The following PSIP1 variants were observed in gnomAD, a reference collection of about 807,000 sequenced individuals.
PSIP1 encodes the protein PC4 and SRSF1 interacting protein 1.
In PSIP1, 19 loss-of-function variants were observed where a neutral mutation model predicts 74.7. The ratio of observed to expected loss-of-function variants is 0.25; its 90% CI spans 0.18 to 0.37. The LOEUF is 0.37. Among genes scored for constraint, PSIP1 ranks in the 10% least tolerant of loss-of-function variants. PSIP1 has a pLI of 1.00. For missense variants in PSIP1, 601 were observed against 614.3 expected (o/e 0.98, Z 0.23); for synonymous variants, 222 against 195.3 (o/e 1.14, Z -1.14).
At chr9:15,468,109 G>A (rs555433701) in intron 14 of PSIP1, among the ~76,000 whole-genome samples, 9 of 130,788 alleles carry the variant, frequency 6.9e-5, no homozygotes, top group African/African-American at 2.7e-4. Flanking sequence ...CAACAAGAGC[G>A]AAACTCCATC....
chr9:15,507,374 G>T (rs1036301538), intron 2 of PSIP1, among the ~76,000 whole-genome samples: 1 of 152,172 alleles, frequency 6.6e-6, no homozygotes, highest in African/African-American at 2.4e-5. Flanking sequence ...TGTCGGCCAG[G>T]CGCGGTGGCT....
chr9:15,496,052 G>C (rs75298122), intron 3 of PSIP1, among the ~76,000 whole-genome samples: 2,091 of 152,170 alleles, frequency 0.014, 40 homozygotes, highest in African/African-American at 0.048. Context: ...CTATACATCC[G>C]ACTGTGCATG....
intron 3 of PSIP1, among the ~76,000 whole-genome samples, chr9:15,493,662 C>T (rs2036940471): frequency 6.6e-6 from 1 of 152,174 alleles, no homozygotes; most frequent in African/African-American, 2.4e-5. Context: ...CCTCAGGAAA[C>T]TTACAATCAC....
In PSIP1 at chr9:15,497,325, C is replaced by CTTTTTTTTTTTTTTTT. The variant is rs767922897; in HGVS notation, c.150-7217_150-7202dup. On this transcript the variant is annotated intron_variant, in intron 3 of 15. Transcript: ENST00000380733. Reference sequence around the variant, plus strand: ...CTGAAGACCACACGTTCTATGATTCCTTTTTTTTTTTTTTTTGAGACAGAG... The same window carrying CTTTTTTTTTTTTTTTT: ...CTGAAGACCACACGTTCTATGATTCCTTTTTTTTTTTTTTTTTTTTTTTTTTTTTTTTGAGACAGAG... Among the ~76,000 whole-genome samples the CTTTTTTTTTTTTTTTT allele has an allele frequency of 3.4e-3, 404 of 118,478 alleles. 44 individuals carry two copies. Among genetic ancestry groups the CTTTTTTTTTTTTTTTT allele is most frequent in the African/African-American group, 9.9e-3 (247 of 24,840 alleles). The allele number at this position is 118,478 out of a possible 152,430, so 77.7% of individuals were successfully genotyped here. A position where few individuals can be genotyped will look rare whatever the true frequency, so the allele number is the denominator to read the frequency against.
rs1300093305 is a variant in PSIP1 at position 15,464,678 on chromosome 9, TAAC to T, written c.*839_*841del. 1 of 198,264 alleles carries T rather than the reference TAAC, an allele frequency of 5.0e-6. No homozygotes were observed. The highest frequency in any genetic ancestry group is 1.0e-5 in the Non-Finnish European group (1 of 95,942). The allele number at this position is 198,264 out of a possible 1,614,324, so 12.3% of individuals were successfully genotyped here. On this transcript the variant is annotated 3_prime_UTR_variant, in exon 16 of 16. Transcript: ENST00000380733. ...TTTAGTGACTTCCTAAAGACATTTT[TAAC>T]AACATTCCTCAAAAATAAACTTACT...
At position 15,474,108 on chromosome 9, in the gene PSIP1, C is replaced by T. The variant is rs1563870899; in HGVS notation, c.759G>A (p.Gly253=). The T allele has an allele frequency of 6.2e-7, 1 of 1,613,508 alleles. No individual in the cohort carries two copies. The change falls in exon 9 of 16, where the codon GGG becomes GGA. Residue 253 remains glycine, a synonymous_variant. Transcript: ENST00000380733. The stretch of plus-strand genomic sequence containing the variant: ...TCCTTTTTGATTCAACTTCTTTCTT[C>T]CCCTCTTTTTTATCCGGCTCTTTTC... ...KPRKEPDKKE[G]KKEVESKRKN...
intron 3 of PSIP1, among the ~76,000 whole-genome samples, chr9:15,497,120 T>G (rs1358950136): frequency 6.6e-6 from 1 of 152,206 alleles, no homozygotes; most frequent in Non-Finnish European, 1.5e-5. Context: ...GTTCACAGCA[T>G]TATTCATAAA....
In PSIP1 at chr9:15,465,578, G is replaced by T; in HGVS notation, c.1535C>A (p.Pro512Gln). The part of the protein sequence containing the change: ...DNHEASTKKK[P>Q]SSEERETEIS... Reference sequence around the variant, plus strand: ...TTCAGTCTCTCTCTCTTCACTGGATGGCCTGAAGAAAAGGGGGAAAGGTAC... The same window carrying T: ...TTCAGTCTCTCTCTCTTCACTGGATTGCCTGAAGAAAAGGGGGAAAGGTAC... Residue 512 changes from proline (P) to glutamine (Q), a missense_variant and splice_region_variant, in exon 16 of 16, where the codon CCA (proline) becomes CAA (glutamine). Physicochemically the swap from Pro to Gln is moderately conservative, Grantham distance 76. Coordinates refer to ENST00000380733, the MANE Select transcript of PSIP1 (RefSeq NM_033222.5). The T allele has an allele frequency of 6.3e-7, 1 of 1,578,880 alleles. No homozygotes were observed. The highest frequency in any genetic ancestry group is 8.7e-7 in the Non-Finnish European group (1 of 1,153,796).
intron 10 of PSIP1, chr9:15,470,828 C>A (rs1269413728): frequency 4.9e-5 from 51 of 1,037,812 alleles, no homozygotes; most frequent in Non-Finnish European, 5.7e-5. Context: ...TAACTAGCTT[C>A]AAAACAAAAT....
intron 3 of PSIP1, 171 bp downstream of exon 3, chr9:15,506,386 AAACC>A: frequency 2.3e-6 from 1 of 438,406 alleles, no homozygotes; most frequent in Non-Finnish European, 4.1e-6. Flanking sequence ...AGTAAAAAAT[AAACC>A]TATAGCATCT....
At position 15,494,565 on chromosome 9, in the gene PSIP1, C is replaced by CAAA. The variant is rs57170853; in HGVS notation, c.150-4444_150-4442dup. Among the ~76,000 whole-genome samples, 42 of 37,564 alleles carry CAAA rather than the reference C, an allele frequency of 1.1e-3. 1 individual carries two copies. Among genetic ancestry groups the CAAA allele is most frequent in the African/African-American group, 4.0e-3 (37 of 9,332 alleles). 24.6% of individuals were successfully genotyped at this position (37,564 alleles called of 152,430 possible). ...GGGCAACAAGAGCAAAACTGCATCT[C>CAAA]AAAAAAAAAAAAAAAAAAAAAAAAA... On this transcript the variant is annotated intron_variant, in intron 3 of 15. Transcript: ENST00000380733.
At chr9:15,471,206 A>G in intron 10 of PSIP1, 1 of 1,605,860 alleles carries the variant, frequency 6.2e-7, no homozygotes, top group East Asian at 2.2e-5. Flanking sequence ...TATATTTTTT[A>G]TTACTGTAGA....
At chr9:15,506,311 C>T (rs1196832565) in intron 3 of PSIP1, 2 of 339,840 alleles carry the variant, frequency 5.9e-6, no homozygotes, top group Non-Finnish European at 1.1e-5. Context: ...TATTTTCATC[C>T]ATCAATCATT....
intron 7 of PSIP1, 146 bp from the exon 8 acceptor site, chr9:15,478,698 A>G (rs1483615269): frequency 1.3e-5 from 7 of 551,830 alleles, no homozygotes; most frequent in Admixed American, 1.0e-4. Context: ...TGAAAAAATA[A>G]TACCTCCCCC....
At chr9:15,502,492 T>G (rs945760306) in intron 3 of PSIP1, among the ~76,000 whole-genome samples, 4 of 152,168 alleles carry the variant, frequency 2.6e-5, no homozygotes, top group Non-Finnish European at 5.9e-5. Flanking sequence ...CAAGCCAGAT[T>G]TGAACTCCTG....
chr9:15,493,098 G>A (rs2132160055), intron 3 of PSIP1, among the ~76,000 whole-genome samples: 1 of 152,294 alleles, frequency 6.6e-6, no homozygotes, highest in Admixed American at 6.5e-5. Context: ...CTAGAAAATG[G>A]GTTTTTCTTT....
At chr9:15,487,467 C>T (rs1034480465) in intron 4 of PSIP1, among the ~76,000 whole-genome samples, 1 of 151,772 alleles carries the variant, frequency 6.6e-6, no homozygotes, top group Non-Finnish European at 1.5e-5. Context: ...TGGTGGCACG[C>T]GCCTGTAATC....
chr9:15,479,798 T>G (rs138334915), intron 6 of PSIP1, 111 bp from the exon 7 acceptor site: 2 of 672,822 alleles, frequency 3.0e-6, no homozygotes, highest in Admixed American at 5.8e-5. Flanking sequence ...AGTATAGATA[T>G]AACCTCTATA....
chr9:15,465,844 T>A (rs2035587557), intron 15 of PSIP1: 2 of 354,620 alleles, frequency 5.6e-6, no homozygotes, highest in African/African-American at 4.2e-5. Context: ...CCAAGCCCTT[T>A]CCATCATTTC....
Sources: allele counts gnomAD v4.1 joint callset (sites outside exome capture counted in the v4.1 genomes callset), GRCh38; gene constraint gnomAD v4.1.1; transcripts MANE v1.5; gene names NCBI Gene and HGNC (gene_info 2026-07-23, HGNC 2026-07-21).